The following ANK3 variants were observed in gnomAD, a reference collection of about 807,000 sequenced individuals.
ANK3 encodes the protein ankyrin 3.
In ANK3, 57 loss-of-function variants were observed where a neutral mutation model predicts 370.9. That is an observed-to-expected ratio of 0.15 (90% CI 0.12 to 0.19). The LOEUF is 0.19. Among genes scored for constraint, ANK3 ranks in the 10% least tolerant of loss-of-function variants. The probability of loss-of-function intolerance (pLI) is 1.00; values close to 1 mark genes in which losing one functional copy is unlikely to be tolerated. For missense variants in ANK3, 4,439 were observed against 5,302.1 expected (o/e 0.84, Z 5.06); for synonymous variants, 1,929 against 1,946.3 (o/e 0.99, Z 0.23).
intron 1 of ANK3, among the ~76,000 whole-genome samples, chr10:60,672,466 T>A (rs935842183): frequency 6.6e-6 from 1 of 152,176 alleles, no homozygotes; most frequent in Non-Finnish European, 1.5e-5. Flanking sequence ...AAAAACTACA[T>A]AAAGTTCCCT....
At chr10:60,715,507 T>A (rs575995510) in intron 1 of ANK3, among the ~76,000 whole-genome samples, 5 of 152,208 alleles carry the variant, frequency 3.3e-5, no homozygotes, top group African/African-American at 1.2e-4. Context: ...AGACCCTTCC[T>A]GGGTAGATAA....
intron 1 of ANK3, among the ~76,000 whole-genome samples, chr10:60,654,535 T>C (rs570302978): frequency 1.3e-5 from 2 of 152,332 alleles, no homozygotes; most frequent in Admixed American, 1.3e-4. Context: ...ACTATTTTCT[T>C]CATTTATTAA....
At chr10:60,550,232 T>C (rs1026598058) in intron 2 of ANK3, among the ~76,000 whole-genome samples, 1 of 151,826 alleles carries the variant, frequency 6.6e-6, no homozygotes. Context: ...TTTATGATTA[T>C]ATAAATGTAA....
intron 1 of ANK3, among the ~76,000 whole-genome samples, chr10:60,715,910 A>G (rs543795180): frequency 0.14 from 219 of 1,520 alleles, 1 homozygote; most frequent in South Asian, 0.31. Context: ...ACTCTTCTTC[A>G]AGAAATATTA....
At position 60,075,644 on chromosome 10, in the gene ANK3, G is replaced by T. The variant is rs754173928; in HGVS notation, c.5237C>A (p.Ser1746Tyr). Residue 1746 changes from serine (S) to tyrosine (Y), a missense_variant, in exon 37 of 44, where the codon TCT becomes TAT. Physicochemically the swap from Ser to Tyr is moderately radical, Grantham distance 144 (BLOSUM62 -2). This residue lies in a region of ANK3 where 679 missense variants were observed against 791.0 expected (regional missense o/e 0.86). Transcript: ENST00000280772. ...KATATLQEKI[S>Y]SATNSVSSVV... ...AGAGCTCACAGAGTTTGTAGCAGAA[G>T]AAATTTTTTCCTGTAACGTGGCAGT... 6.2e-7 allele frequency: 1 copy of T among 1,613,988 alleles called. No individual in the cohort carries two copies. Among genetic ancestry groups the T allele is most frequent in the Non-Finnish European group, 8.5e-7 (1 of 1,179,990 alleles).
At chr10:60,593,319 A>G (rs753758320) in intron 2 of ANK3, among the ~76,000 whole-genome samples, 12 of 152,190 alleles carry the variant, frequency 7.9e-5, no homozygotes, top group Non-Finnish European at 1.6e-4. Context: ...TGGGAAGTAA[A>G]GAAATTTGTT....
intron 1 of ANK3, among the ~76,000 whole-genome samples, chr10:60,631,080 C>T (rs1212583202): frequency 6.6e-6 from 1 of 152,100 alleles, no homozygotes; most frequent in East Asian, 1.9e-4. Context: ...AACTGGGTGG[C>T]TGATGATGCC....
chr10:60,468,578 A>G (rs983551811), intron 2 of ANK3, among the ~76,000 whole-genome samples: 4 of 151,978 alleles, frequency 2.6e-5, no homozygotes, highest in Non-Finnish European at 5.9e-5. Context: ...TCCCTGACCA[A>G]TCTCTTGTTT....
At chr10:60,092,868 T>G (rs927856026) in intron 28 of ANK3, among the ~76,000 whole-genome samples, 4 of 152,212 alleles carry the variant, frequency 2.6e-5, no homozygotes, top group Admixed American at 2.6e-4. Context: ...CCCAAGTAGC[T>G]GTGATTACAG....
chr10:60,716,597 T>G (rs1054135881), intron 1 of ANK3, among the ~76,000 whole-genome samples: 1 of 152,168 alleles, frequency 6.6e-6, no homozygotes, highest in Non-Finnish European at 1.5e-5. Context: ...CACTGCAACC[T>G]CCACCTCCTG....
chr10:60,233,424 A>G (rs867435070), intron 8 of ANK3, among the ~76,000 whole-genome samples: 1 of 152,156 alleles, frequency 6.6e-6, no homozygotes, highest in Non-Finnish European at 1.5e-5. Context: ...GTGGGTTTTT[A>G]TAATTTTTTA....
At chr10:60,093,833 G>C (rs74773655) in intron 28 of ANK3, among the ~76,000 whole-genome samples, 2 of 152,158 alleles carry the variant, frequency 1.3e-5, no homozygotes, top group Admixed American at 1.3e-4. Context: ...GAAGCTCCGA[G>C]GAGAAGCGAT....
At chr10:60,398,534 T>A (rs929115505) in intron 2 of ANK3, among the ~76,000 whole-genome samples, 1 of 152,200 alleles carries the variant, frequency 6.6e-6, no homozygotes, top group Non-Finnish European at 1.5e-5. Flanking sequence ...ATAATACCCA[T>A]GAAAATTTGT....
At chr10:60,572,449 C>T in intron 2 of ANK3, 1 of 1,535,094 alleles carries the variant, frequency 6.5e-7, no homozygotes, top group Non-Finnish European at 8.7e-7. Context: ...GAACATGTTG[C>T]TTATTCATTT....
intron 43 of ANK3, among the ~76,000 whole-genome samples, chr10:60,039,397 C>T (rs988896391): frequency 6.6e-6 from 1 of 152,058 alleles, no homozygotes; most frequent in Non-Finnish European, 1.5e-5. Flanking sequence ...CAAATCAGCC[C>T]CCTTTTTTGG....
chr10:60,140,221 G>T, intron 23 of ANK3: 1 of 989,986 alleles, frequency 1.0e-6, no homozygotes, highest in Non-Finnish European at 1.6e-6. Flanking sequence ...AAACTAAACA[G>T]ATCAACTTTC....
chr10:60,659,685 G>A (rs200593319), intron 1 of ANK3, among the ~76,000 whole-genome samples: 2 of 152,024 alleles, frequency 1.3e-5, no homozygotes, highest in East Asian at 3.9e-4. Flanking sequence ...TCATTAAAGT[G>A]ACTAAGGAAA....
chr10:60,444,056 T>TA (rs1201509591), intron 2 of ANK3, among the ~76,000 whole-genome samples: 1 of 152,078 alleles, frequency 6.6e-6, no homozygotes, highest in Non-Finnish European at 1.5e-5. Context: ...GAATTTTCAT[T>TA]AAAAAAACAT....
intron 43 of ANK3, among the ~76,000 whole-genome samples, chr10:60,034,081 G>GTTT (rs56758673): frequency 3.8e-5 from 4 of 105,414 alleles, no homozygotes; most frequent in Non-Finnish European, 6.3e-5. Context: ...TTCTGTTTTT[G>GTTT]TTTTTTTTTT....
Sources: gnomAD v4.1 joint callset for allele counts (sites outside exome capture counted in the v4.1 genomes callset) on GRCh38, gnomAD v4.1.1 for gene constraint, gnomAD v4.1.1 regional missense constraint, MANE v1.5 for transcripts, NCBI Gene and HGNC (gene_info 2026-07-23, HGNC 2026-07-21) for gene names.